ZNF469: variants seen among roughly 807,000 people sequenced by gnomAD.
The protein encoded by ZNF469 is zinc finger protein 469.
ZNF469 carries 1 observed loss-of-function variant against 1.0 expected under a neutral mutation model. The observed-to-expected ratio is 1.00, with a 90% CI of 0.35 to 4.73. The LOEUF (loss-of-function observed/expected upper bound fraction) is 4.73. Among genes scored for constraint, ZNF469 ranks in the 30% most tolerant of loss-of-function variants. The probability of loss-of-function intolerance (pLI) is 0.16; values close to 1 mark genes in which losing one functional copy is unlikely to be tolerated. For synonymous variants in ZNF469, 2,703 were observed against 2,363.4 expected (o/e 1.14, Z -4.17); for missense variants, 6,100 against 5,356.3 (o/e 1.14, Z -4.33).
the ZNF469 span, among the ~76,000 whole-genome samples, chr16:88,200,943 C>T: frequency 3.3e-5 from 5 of 152,348 alleles, no homozygotes; most frequent in Admixed American, 6.5e-5. Flanking sequence ...TGGGGACCTC[C>T]GGCCCTGCCT....
At position 88,437,225 on chromosome 16, in the gene ZNF469, C is replaced by T. The variant is rs1236031631; in HGVS notation, c.9755C>T (p.Pro3252Leu). 2 of 1,549,314 alleles carry T rather than the reference C, an allele frequency of 1.3e-6. No homozygotes were observed. The highest frequency in any genetic ancestry group is 1.4e-5 in the African/African-American group (1 of 73,140). ...TCCGCCGGCAAGGCCGCCGGGAGCCCGGGAGACCCGTGGGGGCAAGAGGGA... is the reference window on the plus strand; with the variant it reads ...TCCGCCGGCAAGGCCGCCGGGAGCCTGGGAGACCCGTGGGGGCAAGAGGGA... ...KRSAGKAAGSPGDPWGQEGEA... is the reference protein window; with the variant it reads ...KRSAGKAAGSLGDPWGQEGEA... The change falls in exon 3 of 3, where the codon CCG becomes CTG. Residue 3252 changes from proline (P) to leucine (L), a missense_variant. By Grantham distance (98) the Pro-to-Leu change is moderately conservative. Coordinates refer to ENST00000565624, the MANE Select transcript of ZNF469 (RefSeq NM_001367624.2).
chr16:88,229,611 GCT>G, the ZNF469 span, among the ~76,000 whole-genome samples: 416 of 14,724 alleles, frequency 0.028, 3 homozygotes, highest in Non-Finnish European at 0.095. Flanking sequence ...ACGCGTGTGT[GCT>G]GATGTCACGC....
At chr16:88,350,690 C>T in the ZNF469 span, among the ~76,000 whole-genome samples, 31 of 152,332 alleles carry the variant, frequency 2.0e-4, no homozygotes, top group African/African-American at 7.2e-4. Context: ...CTGATGTCAT[C>T]ACCAAGCTCC....
intron 1 of ZNF469, among the ~76,000 whole-genome samples, chr16:88,389,545 G>A (rs1199351632): frequency 1.3e-5 from 2 of 152,184 alleles, no homozygotes; most frequent in East Asian, 1.9e-4. Context: ...GCTTCGTCCC[G>A]TGGCCACCCT....
At chr16:88,163,390 G>A in the ZNF469 span, among the ~76,000 whole-genome samples, 1 of 150,346 alleles carries the variant, frequency 6.7e-6, no homozygotes, top group Non-Finnish European at 1.5e-5. Context: ...TGTATGAGTG[G>A]CATAAGTGGA....
chr16:88,428,846 C>T lies in ZNF469; in HGVS notation c.1376C>T (p.Thr459Ile). 1 of 1,548,498 alleles carries T rather than the reference C, an allele frequency of 6.5e-7. No individual in the cohort carries two copies. The change falls in exon 3 of 3, where the codon ACC (threonine) becomes ATC (isoleucine). Residue 459 changes from threonine to isoleucine, a missense_variant. By Grantham distance (89) the Thr-to-Ile change is moderately conservative (BLOSUM62 -1). Transcript: ENST00000565624. ...PTPPGGPLAA[T>I]RSMFFNGQPS... is the part of the protein sequence containing the mutation. Reference sequence around the variant, plus strand: ...CCTCCTGGGGGCCCCCTGGCTGCCACCAGGAGTATGTTCTTTAACGGCCAG... The same window carrying T: ...CCTCCTGGGGGCCCCCTGGCTGCCATCAGGAGTATGTTCTTTAACGGCCAG...
At chr16:88,374,965 A>G in the ZNF469 span, among the ~76,000 whole-genome samples, 1 of 152,222 alleles carries the variant, frequency 6.6e-6, no homozygotes, top group Admixed American at 6.5e-5. Context: ...TCTACGCACA[A>G]GGCTCCGGGA....
At position 88,434,674 on chromosome 16, in the gene ZNF469, G is replaced by A; in HGVS notation, c.7204G>A (p.Gly2402Arg). 1 of 1,550,398 alleles carries A rather than the reference G, an allele frequency of 6.4e-7. No homozygotes were observed. The highest frequency in any genetic ancestry group is 1.4e-5 in the African/African-American group (1 of 73,178). ...KMPRVTCPST[G>R]LGLGRTTAPS... ...GCCCAGGGTCACCTGCCCTTCCACA[G>A]GACTGGGCTTGGGAAGAACCACAGC... The change falls in exon 3 of 3, where the codon GGA (glycine) becomes AGA (arginine). Residue 2402 changes from glycine to arginine, a missense_variant. Transcript: ENST00000565624.
At chr16:88,212,222 C>G in the ZNF469 span, among the ~76,000 whole-genome samples, 1 of 152,222 alleles carries the variant, frequency 6.6e-6, no homozygotes, top group African/African-American at 2.4e-5. Flanking sequence ...CTCGGAATCA[C>G]TTGTTCCAAA....
intron 1 of ZNF469, among the ~76,000 whole-genome samples, 199 bp downstream of exon 1, chr16:88,383,453 G>A (rs1230642954): frequency 6.7e-6 from 1 of 148,468 alleles, no homozygotes; most frequent in Non-Finnish European, 1.5e-5. Context: ...TCCTCCTCCC[G>A]GGCCCGGACG....
the ZNF469 span, among the ~76,000 whole-genome samples, chr16:88,372,802 C>T: frequency 3.3e-5 from 5 of 151,748 alleles, no homozygotes; most frequent in Admixed American, 2.0e-4. Flanking sequence ...CCATCACCAC[C>T]ATCATTACCA....
chr16:88,424,932 T>C lies in ZNF469; in HGVS notation c.-127+61T>C, dbSNP rs140860713. Among the ~76,000 whole-genome samples the C allele has an allele frequency of 1.3e-5, 2 of 152,178 alleles. No homozygotes were observed. The highest frequency in any genetic ancestry group is 2.4e-5 in the African/African-American group (1 of 41,442). ...ACAGATGCTCTGGTCTTGATGGTCC[T>C]GAGGCCCCCTCCGCCCCCACCCGCC... is the stretch of plus-strand genomic sequence containing the variant. On this transcript the variant is annotated intron_variant, in intron 2 of 2. Transcript: ENST00000565624. This position sits in a 1 kb window ranked among gnomAD's most constrained non-coding sequence, Gnocchi z 4.3.
chr16:88,313,810 C>G, the ZNF469 span, among the ~76,000 whole-genome samples: 1 of 149,720 alleles, frequency 6.7e-6, no homozygotes, highest in Non-Finnish European at 1.5e-5. Flanking sequence ...ACTGTCATCT[C>G]TGTAATTCAG....
At chr16:88,360,020 A>T in the ZNF469 span, among the ~76,000 whole-genome samples, 52 of 152,120 alleles carry the variant, frequency 3.4e-4, no homozygotes, top group African/African-American at 1.1e-3. Flanking sequence ...TGATTTTTTA[A>T]TTTTTTTTGT....
Position 88,438,173 on chromosome 16 carries a change from A to G in ZNF469, c.10703A>G (p.Asp3568Gly). ...GCTGCCTTGGCTGATGGCAGAGGAG[A>G]CTGCGCGCTGGACGGAGCCCTGGAG... Reference protein sequence around the residue: ...FPAALADGRGDCALDGALERP... With the variant: ...FPAALADGRGGCALDGALERP... Residue 3568 changes from aspartate (D) to glycine (G), a missense_variant, in exon 3 of 3, where the codon GAC becomes GGC. Asp to Gly is a moderately conservative substitution (Grantham distance 94). Transcript: ENST00000565624. 1 of 1,549,556 alleles carries G rather than the reference A, an allele frequency of 6.5e-7. No individual in the cohort carries two copies. The highest frequency in any genetic ancestry group is 8.7e-7 in the Non-Finnish European group (1 of 1,146,516).
chr16:88,191,440 C>A, the ZNF469 span: 1 of 152,404 alleles, frequency 6.6e-6, no homozygotes, highest in African/African-American at 2.4e-5. Flanking sequence ...AGGCATCAAC[C>A]ACCGCACTGG....
the ZNF469 span, among the ~76,000 whole-genome samples, chr16:88,329,077 A>G: frequency 6.6e-6 from 1 of 152,150 alleles, no homozygotes; most frequent in Non-Finnish European, 1.5e-5. Context: ...AAGTTCCTGT[A>G]TCCGACCCAT....
At chr16:88,409,328 A>C (rs1282487444) in intron 1 of ZNF469, among the ~76,000 whole-genome samples, 2 of 152,246 alleles carry the variant, frequency 1.3e-5, no homozygotes, top group East Asian at 1.9e-4. Context: ...CCTCGGAGAC[A>C]CTTGAGAACT....
chr16:88,114,010 G>C, the ZNF469 span, among the ~76,000 whole-genome samples: 2 of 152,182 alleles, frequency 1.3e-5, no homozygotes, highest in African/African-American at 2.4e-5. Flanking sequence ...TGTCCGGCGA[G>C]CACCATGGGT....
Sources: gnomAD v4.1 joint callset for allele counts (sites outside exome capture counted in the v4.1 genomes callset) on GRCh38, gnomAD v4.1.1 for gene constraint, Gnocchi (gnomAD v3.1) non-coding constraint, MANE v1.5 for transcripts, NCBI Gene and HGNC (gene_info 2026-07-23, HGNC 2026-07-21) for gene names.